TMIGD1: variants seen among roughly 807,000 people sequenced by gnomAD.
The protein encoded by TMIGD1 is transmembrane and immunoglobulin domain-containing protein 1.
A neutral mutation model predicts 27.5 loss-of-function variants in TMIGD1; 29 were observed. That is an observed-to-expected ratio of 1.05 (90% confidence interval 0.78 to 1.44). The LOEUF (loss-of-function observed/expected upper bound fraction) is 1.44, where lower values mean the gene tolerates loss of function less well. TMIGD1 is among the 40% of genes most tolerant of loss of function. The pLI is 0.00. For missense variants in TMIGD1, 334 were observed against 310.6 expected (o/e 1.08, Z -0.57); for synonymous variants, 109 against 110.3 (o/e 0.99, Z 0.07).
chr17:30,325,157 A>T, intron 3 of TMIGD1, 63 bp from the exon 4 acceptor site: 1 of 1,508,986 alleles, frequency 6.6e-7, no homozygotes, highest in Non-Finnish European at 9.0e-7. Flanking sequence ...TCAGAGTTCA[A>T]AGTCTTCCTT....
At chr17:30,329,158 C>T (rs1034370093) in intron 3 of TMIGD1, 93 bp downstream of exon 3, 12 of 1,487,272 alleles carry the variant, frequency 8.1e-6, no homozygotes, top group Non-Finnish European at 1.0e-5. Flanking sequence ...ATAAATTGGG[C>T]AATTTGGCAA....
At position 30,316,647 on chromosome 17, in the gene TMIGD1, A is replaced by G; in HGVS notation, c.*40T>C. 1 of 1,609,894 alleles carries G rather than the reference A, an allele frequency of 6.2e-7. No individual in the cohort carries two copies. ...GACTACATAAATTGTGGAGGTCCTG[A>G]TGCAAAACTCTCTCTGTATTCGATG... On this transcript the variant is annotated 3_prime_UTR_variant, in exon 7 of 7. Coordinates refer to ENST00000328886, the MANE Select transcript of TMIGD1 (RefSeq NM_206832.3).
chr17:30,318,968 C>A, intron 4 of TMIGD1, 55 bp from the exon 5 acceptor site: 1 of 1,266,956 alleles, frequency 7.9e-7, no homozygotes, highest in East Asian at 2.3e-5. Context: ...ACTTCCAATA[C>A]GTCCCAGCAA....
intron 6 of TMIGD1, 54 bp downstream of exon 6, chr17:30,317,139 A>G: frequency 6.3e-7 from 1 of 1,579,446 alleles, no homozygotes; most frequent in South Asian, 1.1e-5. Flanking sequence ...GATGCATATC[A>G]CTGCTATTCA....
At position 30,316,605 on chromosome 17, in the gene TMIGD1, G is replaced by A. The variant is rs1597677537; in HGVS notation, c.*82C>T. On this transcript the variant is annotated 3_prime_UTR_variant, in exon 7 of 7. Coordinates refer to ENST00000328886, the MANE Select transcript of TMIGD1 (RefSeq NM_206832.3). ...AGTGACAGGAGTGAATTTAATAATA[G>A]CAATAAATACAGATGGGACTACATA... The A allele has an allele frequency of 2.5e-5, 34 of 1,379,258 alleles. No homozygotes were observed. The East Asian group carries it at 7.3e-4, about 30-fold the overall frequency. 85.4% of individuals were successfully genotyped at this position (1,379,258 alleles called of 1,614,324 possible).
intron 4 of TMIGD1, among the ~76,000 whole-genome samples, chr17:30,322,734 T>G (rs566729357): frequency 1.8e-4 from 27 of 152,278 alleles, no homozygotes; most frequent in African/African-American, 6.5e-4. Flanking sequence ...ACCGCTGACC[T>G]CCTGATCCAC....
At chr17:30,319,507 A>G (rs552972273) in intron 4 of TMIGD1, among the ~76,000 whole-genome samples, 1 of 151,254 alleles carries the variant, frequency 6.6e-6, no homozygotes, top group East Asian at 1.9e-4. Context: ...TTTGTGGAAT[A>G]ATAATTTATT....
At chr17:30,329,554 T>C in intron 2 of TMIGD1, 25 bp from the exon 3 acceptor site, 1 of 1,596,434 alleles carries the variant, frequency 6.3e-7, no homozygotes, top group Non-Finnish European at 8.6e-7. Context: ...AGAAACTATT[T>C]AGATATACAG....
At chr17:30,329,579 AT>A in intron 2 of TMIGD1, 50 bp from the exon 3 acceptor site, 1 of 1,510,336 alleles carries the variant, frequency 6.6e-7, no homozygotes, top group Non-Finnish European at 9.1e-7. Context: ...AACAACCTTA[AT>A]GCTCATGAAC....
intron 6 of TMIGD1, 73 bp downstream of exon 6, chr17:30,317,120 G>T: frequency 6.6e-7 from 1 of 1,511,488 alleles, no homozygotes; most frequent in Non-Finnish European, 9.2e-7. Context: ...TCTGGAGTTT[G>T]TCTAGAGTGA....
In TMIGD1 at chr17:30,325,032, CCAACTTCA is replaced by C. The variant is rs1218120009; in HGVS notation, c.416_423del (p.Val139GlyfsTer19). ...TGGGGGTTGGCTTTCACATTGCAAA[CCAACTTCA>C]CATTACTGCCTTCCTCAACTGTTTG... On this transcript the variant is annotated frameshift_variant, in exon 4 of 7. Transcript: ENST00000328886. LOFTEE classifies it high-confidence loss of function. 4.3e-6 allele frequency: 7 copies of C among 1,613,952 alleles called. No homozygotes were observed. In the Middle Eastern group the frequency reaches 4.9e-4, roughly 114 times the overall value.
intron 6 of TMIGD1, 21 bp from the exon 7 acceptor site, chr17:30,316,711 A>C: frequency 6.2e-7 from 1 of 1,611,024 alleles, no homozygotes; most frequent in Non-Finnish European, 8.5e-7. Context: ...TGAAGAAATT[A>C]ATAATAATGA....
At chr17:30,319,261 A>AAAAAAAAAAAAATATATATATATAT in intron 4 of TMIGD1, among the ~76,000 whole-genome samples, 30 of 69,002 alleles carry the variant, frequency 4.3e-4, no homozygotes, top group Non-Finnish European at 6.9e-4. Context: ...AAAAAAAAAA[A>AAAAAAAAAAAAATATATATATATAT]ATATATATAT....
chr17:30,329,053 T>C (rs1909884709), intron 3 of TMIGD1, among the ~76,000 whole-genome samples, 198 bp downstream of exon 3: 1 of 142,082 alleles, frequency 7.0e-6, no homozygotes, highest in Non-Finnish European at 1.6e-5. Flanking sequence ...GAAAAGAAAA[T>C]TTCAAAGGAG....
intron 1 of TMIGD1, among the ~76,000 whole-genome samples, chr17:30,333,696 T>G (rs536323684): frequency 2.2e-4 from 34 of 152,324 alleles, no homozygotes; most frequent in African/African-American, 7.9e-4. Context: ...CTAATATTGA[T>G]TCTTTTGTAA....
chr17:30,322,651 C>T (rs1909656541), intron 4 of TMIGD1, among the ~76,000 whole-genome samples: 1 of 152,154 alleles, frequency 6.6e-6, no homozygotes, highest in East Asian at 1.9e-4. Context: ...AGGTGGCTAC[C>T]ATCATGCCCG....
At chr17:30,332,684 A>G (rs1284225636) in intron 1 of TMIGD1, among the ~76,000 whole-genome samples, 1 of 152,044 alleles carries the variant, frequency 6.6e-6, no homozygotes. Flanking sequence ...TCTTTCTCCC[A>G]CTATTCTCTC....
intron 2 of TMIGD1, among the ~76,000 whole-genome samples, chr17:30,329,767 C>T (rs1435125229): frequency 6.6e-6 from 1 of 151,934 alleles, no homozygotes; most frequent in Non-Finnish European, 1.5e-5. Context: ...ATTGGAATCA[C>T]CAGGGGATCT....
intron 4 of TMIGD1, among the ~76,000 whole-genome samples, chr17:30,319,261 A>AAAAAAAAAAATATATATAT: frequency 8.7e-5 from 6 of 69,042 alleles, no homozygotes; most frequent in Admixed American, 1.5e-4. Flanking sequence ...AAAAAAAAAA[A>AAAAAAAAAAATATATATAT]ATATATATAT....
Sources: allele counts gnomAD v4.1 joint callset (sites outside exome capture counted in the v4.1 genomes callset), GRCh38; gene constraint gnomAD v4.1.1; transcripts MANE v1.5; gene names NCBI Gene and HGNC (gene_info 2026-07-23, HGNC 2026-07-21).